GRAP2: variants seen among roughly 807,000 people sequenced by gnomAD.
GRAP2 encodes the protein GRB2 related adaptor protein 2, also known as GRB2-related adapter protein 2.
A neutral mutation model predicts 43.5 loss-of-function variants in GRAP2; 31 were observed. The ratio of observed to expected loss-of-function variants is 0.71; its 90% CI spans 0.54 to 0.96. GRAP2 has a LOEUF of 0.96. GRAP2 is among the 40% of genes least tolerant of loss of function. GRAP2 has a pLI of 0.00. For synonymous variants in GRAP2, 156 were observed against 164.8 expected (o/e 0.95, Z 0.41); for missense variants, 371 against 424.4 (o/e 0.87, Z 1.11).
At chr22:39,970,074 A>G (rs551172546) in intron 7 of GRAP2, among the ~76,000 whole-genome samples, 37 of 152,142 alleles carry the variant, frequency 2.4e-4, no homozygotes, top group Non-Finnish European at 3.7e-4. Context: ...CTAGTTCTTT[A>G]TCATCTTTAT....
rs546406237 is a variant in GRAP2, at chr22:39,903,664, A to G, written c.-15+2334A>G. On this transcript the variant is annotated intron_variant, in intron 1 of 7. Transcript: ENST00000344138. ...GGCTAATATTGTATTTTTAGTAGAG[A>G]CAGGGTTTTGCCATGTTTCCCAGGC... Among the ~76,000 whole-genome samples the G allele has an allele frequency of 9.9e-5, 15 of 152,074 alleles. No individual in the cohort carries two copies. In the South Asian group the frequency reaches 2.5e-3, roughly 25 times the overall value.
rs1351686358 is a variant in GRAP2 at position 39,971,003 on chromosome 22, C to T, written c.912C>T (p.Ser304=). 1.2e-6 allele frequency: 2 copies of T among 1,613,584 alleles called. No homozygotes were observed. The highest frequency in any genetic ancestry group is 2.7e-5 in the African/African-American group (2 of 74,882). ...SGEVVEVLDS[S]NPSWWTGRLH... ...AGGTGGTGGAGGTCCTGGATAGCTC[C>T]AACCCATCCTGGTGGACCGGCCGCC... The change falls in exon 8 of 8, where the codon TCC becomes TCT. Residue 304 remains serine (S), a synonymous_variant. Transcript: ENST00000344138.
chr22:39,968,100 C>A lies in GRAP2; in HGVS notation c.518C>A (p.Ala173Asp). 6.2e-7 allele frequency: 1 copy of A among 1,611,540 alleles called. No homozygotes were observed. Among genetic ancestry groups the A allele is most frequent in the South Asian group, 1.1e-5 (1 of 90,594 alleles). Residue 173 changes from alanine to aspartate, a missense_variant, in exon 6 of 8, where the codon GCT becomes GAT. By Grantham distance (126) the Ala-to-Asp change is moderately radical. Coordinates refer to ENST00000344138, the MANE Select transcript of GRAP2 (RefSeq NM_004810.4). ...CAGGGAGGCCCACACCTCAGTGGGG[C>A]TGTGGGAGAAGAAATCCGACCTTCG... ...RSQGGPHLSG[A>D]VGEEIRPSMN...
intron 4 of GRAP2, among the ~76,000 whole-genome samples, chr22:39,963,276 T>C (rs2067137782): frequency 6.6e-6 from 1 of 152,188 alleles, no homozygotes; most frequent in Non-Finnish European, 1.5e-5. Flanking sequence ...TCGCATCCTT[T>C]CCTTTGTTCC....
intron 7 of GRAP2, among the ~76,000 whole-genome samples, chr22:39,970,352 A>C (rs1351544009): frequency 6.6e-6 from 1 of 152,124 alleles, no homozygotes; most frequent in Non-Finnish European, 1.5e-5. Flanking sequence ...CAGTGCTGGG[A>C]TTACAGGCAT....
chr22:39,968,896 T>C (rs1336575923), intron 6 of GRAP2, among the ~76,000 whole-genome samples: 1 of 152,200 alleles, frequency 6.6e-6, no homozygotes, highest in Non-Finnish European at 1.5e-5. Flanking sequence ...GAATGGTCCA[T>C]TGCGTTTCCT....
In GRAP2 at chr22:39,971,042, G is replaced by A. The variant is rs2067237999; in HGVS notation, c.951G>A (p.Leu317=). ...GGACCGGCCGCCTGCACAACAAGCT[G>A]GGCCTCTTCCCTGCCAACTACGTGG... is the stretch of plus-strand genomic sequence containing the variant. ...SWWTGRLHNK[L]GLFPANYVAP... is the part of the protein sequence containing the mutation. The change falls in exon 8 of 8, where the codon CTG becomes CTA. Residue 317 remains leucine (L), a synonymous_variant. Transcript: ENST00000344138. 6.2e-7 allele frequency: 1 copy of A among 1,613,656 alleles called. No individual in the cohort carries two copies. The highest frequency in any genetic ancestry group is 8.5e-7 in the Non-Finnish European group (1 of 1,179,908).
At chr22:39,928,373 G>T (rs573790304) in intron 1 of GRAP2, among the ~76,000 whole-genome samples, 1 of 152,254 alleles carries the variant, frequency 6.6e-6, no homozygotes, top group South Asian at 2.1e-4. Flanking sequence ...GAGGCAGATG[G>T]ATAGCCACTA....
intron 2 of GRAP2, among the ~76,000 whole-genome samples, chr22:39,953,805 G>A (rs2067016309): frequency 6.6e-6 from 1 of 152,316 alleles, no homozygotes; most frequent in African/African-American, 2.4e-5. Context: ...ATAGAGACAA[G>A]GTCTCGCTTT....
At chr22:39,894,235 CT>C in the GRAP2 span, among the ~76,000 whole-genome samples, 114 of 150,944 alleles carry the variant, frequency 7.6e-4, no homozygotes, top group African/African-American at 1.8e-3. Context: ...CATAATATCT[CT>C]TTTTTTTTAT....
At chr22:39,950,084 G>A (rs1601724731) in intron 2 of GRAP2, among the ~76,000 whole-genome samples, 1 of 151,894 alleles carries the variant, frequency 6.6e-6, no homozygotes, top group Admixed American at 6.5e-5. Flanking sequence ...TAGATGTAAC[G>A]CCCCCAGGTT....
intron 1 of GRAP2, among the ~76,000 whole-genome samples, chr22:39,944,427 A>G (rs1452554930): frequency 6.6e-6 from 1 of 152,168 alleles, no homozygotes; most frequent in African/African-American, 2.4e-5. Flanking sequence ...AAAAGAGAAC[A>G]TACCCCACCC....
intron 1 of GRAP2, among the ~76,000 whole-genome samples, chr22:39,935,642 G>A (rs532749846): frequency 1.1e-4 from 17 of 152,114 alleles, no homozygotes; most frequent in African/African-American, 3.9e-4. Context: ...TAGACTTATC[G>A]AATGAAGCAA....
chr22:39,950,274 A>C (rs2145642549), intron 2 of GRAP2, among the ~76,000 whole-genome samples: 1 of 152,260 alleles, frequency 6.6e-6, no homozygotes, highest in Non-Finnish European at 1.5e-5. Flanking sequence ...ATTTCACATA[A>C]ACTTCACTCA....
intron 1 of GRAP2, among the ~76,000 whole-genome samples, chr22:39,938,985 G>A (rs909049257): frequency 2.0e-5 from 3 of 152,172 alleles, no homozygotes; most frequent in African/African-American, 7.2e-5. Context: ...GGGGATTTAT[G>A]CTTCCTGGGG....
intron 1 of GRAP2, among the ~76,000 whole-genome samples, chr22:39,923,330 T>C (rs2066670281): frequency 6.6e-6 from 1 of 152,242 alleles, no homozygotes; most frequent in Admixed American, 6.5e-5. Context: ...TGTGTATTTC[T>C]TACTAGCTAT....
intron 1 of GRAP2, among the ~76,000 whole-genome samples, chr22:39,925,762 A>T (rs990888987): frequency 6.6e-6 from 1 of 151,376 alleles, no homozygotes; most frequent in Non-Finnish European, 1.5e-5. Flanking sequence ...CCTCTCCCTT[A>T]CTCTACACCA....
intron 1 of GRAP2, among the ~76,000 whole-genome samples, chr22:39,905,668 G>C (rs566054295): frequency 6.6e-6 from 1 of 152,264 alleles, no homozygotes; most frequent in South Asian, 2.1e-4. Flanking sequence ...TTCTTCTAAT[G>C]GTGCAATGAA....
chr22:39,928,416 G>A (rs988939930), intron 1 of GRAP2, among the ~76,000 whole-genome samples: 1 of 152,170 alleles, frequency 6.6e-6, no homozygotes, highest in African/African-American at 2.4e-5. Context: ...TTCTCTCGTT[G>A]GCTTTTGTCT....
Sources: gnomAD v4.1 joint callset for allele counts (sites outside exome capture counted in the v4.1 genomes callset) on GRCh38, gnomAD v4.1.1 for gene constraint, MANE v1.5 for transcripts, NCBI Gene and HGNC (gene_info 2026-07-23, HGNC 2026-07-21) for gene names.